Variants in NOXRED1 observed in about 807,000 individuals in gnomAD.
NOXRED1 encodes the protein NADP-dependent oxidoreductase domain-containing protein 1.
Under a neutral mutation model 30.4 loss-of-function variants are expected in NOXRED1, and 20 were observed. That is an observed-to-expected ratio of 0.66 (90% CI 0.46 to 0.96). The LOEUF is 0.96. Among genes scored for constraint, NOXRED1 ranks in the 40% least tolerant of loss-of-function variants. NOXRED1 has a pLI of 0.00. For synonymous variants in NOXRED1, 155 were observed against 168.0 expected (o/e 0.92, Z 0.60); for missense variants, 374 against 428.0 (o/e 0.87, Z 1.11).
Position 77,406,110 on chromosome 14 carries a change from C to T in NOXRED1, c.708G>A (p.Trp236Ter), listed in dbSNP as rs1894451497. 6.2e-7 allele frequency: 1 copy of T among 1,613,230 alleles called. No homozygotes were observed. Among genetic ancestry groups the T allele is most frequent in the Non-Finnish European group, 8.5e-7 (1 of 1,179,346 alleles). Residue 236 changes from tryptophan to a stop codon, truncating the protein, a stop_gained, in exon 5 of 6, where the codon TGG (tryptophan) becomes TGA (stop). Transcript: ENST00000380835. LOFTEE classifies it high-confidence loss of function. Reference protein sequence around the residue: ...PAGGIILNIKWLEGVFYAALN... With the variant: ...PAGGIILNIK ...GGGCCGCATAGAACACTCCCTCCAACCACTTGATATTGAGGATTATTCCCC... is the reference window on the plus strand; with the variant it reads ...GGGCCGCATAGAACACTCCCTCCAATCACTTGATATTGAGGATTATTCCCC...
At position 77,408,822 on chromosome 14, in the gene NOXRED1, A is replaced by AT. The variant is rs1243981345; in HGVS notation, c.350-1178dup. Among the ~76,000 whole-genome samples the AT allele has an allele frequency of 9.9e-5, 15 of 150,976 alleles. No homozygotes were observed. In the Admixed American group the frequency reaches 9.9e-4, roughly 10 times the overall value. On this transcript the variant is annotated intron_variant, in intron 2 of 5. Transcript: ENST00000380835. ...TGTAAAGTATATACAAATTAATTTTATTAGGATATCTATAAATGAAGAAAG... is the reference window on the plus strand; with the variant it reads ...TGTAAAGTATATACAAATTAATTTTATTTAGGATATCTATAAATGAAGAAAG...
chr14:77,415,714 CTT>C (rs560912575), intron 1 of NOXRED1, among the ~76,000 whole-genome samples: 1 of 136,430 alleles, frequency 7.3e-6, no homozygotes, highest in Non-Finnish European at 1.6e-5. Flanking sequence ...ACTCTATATG[CTT>C]TTTTTTTTTT....
At chr14:77,397,507 T>C (rs1033485378) in intron 5 of NOXRED1, among the ~76,000 whole-genome samples, 9 of 152,174 alleles carry the variant, frequency 5.9e-5, no homozygotes, top group Non-Finnish European at 1.2e-4. Context: ...TTTCCATTGA[T>C]GGAAAATGGG....
rs57049515 is a variant in NOXRED1, at chr14:77,406,632, CACAG to C, written c.682+88_682+91del. On this transcript the variant is annotated intron_variant, in intron 4 of 5. Coordinates refer to ENST00000380835, the MANE Select transcript of NOXRED1 (RefSeq NM_001113475.3). ...ACACACACACACACACACACACACA[CACAG>C]AGAGAGAGAGATTGATTTAATAAGA... 1,626 of 421,144 alleles carry C rather than the reference CACAG, an allele frequency of 3.9e-3. 18 individuals carry two copies. The African/African-American group carries it at 0.067, about 17-fold the overall frequency. The allele number at this position is 421,144 out of a possible 1,614,324, so 26.1% of individuals were successfully genotyped here. A position where few individuals can be genotyped will look rare whatever the true frequency, so the allele number is the denominator to read the frequency against.
At chr14:77,403,587 T>C (rs547485068) in intron 5 of NOXRED1, among the ~76,000 whole-genome samples, 3 of 151,862 alleles carry the variant, frequency 2.0e-5, no homozygotes, top group South Asian at 2.1e-4. Context: ...GCCCAGGAGG[T>C]GGAGGTTGCA....
chr14:77,422,997 A>T lies in NOXRED1; in HGVS notation c.-108T>A. The T allele has an allele frequency of 1.1e-6, 1 of 872,704 alleles. No individual in the cohort carries two copies. The highest frequency in any genetic ancestry group is 1.8e-6 in the Non-Finnish European group (1 of 552,946). 54.1% of individuals were successfully genotyped at this position (872,704 alleles called of 1,614,324 possible). Reference sequence around the variant, plus strand: ...TGTGTGTATGATGGTGTGTGTGCCCAGGTCACAAGCACTCATGATGATGGG... The same window carrying T: ...TGTGTGTATGATGGTGTGTGTGCCCTGGTCACAAGCACTCATGATGATGGG... On this transcript the variant is annotated 5_prime_UTR_variant, in exon 1 of 6. Transcript: ENST00000380835.
At chr14:77,406,442 GA>G (rs1428932996) in intron 4 of NOXRED1, 1 of 595,334 alleles carries the variant, frequency 1.7e-6, no homozygotes, top group Non-Finnish European at 3.0e-6. Flanking sequence ...TACAAGATTA[GA>G]ACAGGGAAAA....
chr14:77,408,403 C>T (rs562572930), intron 2 of NOXRED1, among the ~76,000 whole-genome samples: 17 of 152,042 alleles, frequency 1.1e-4, no homozygotes, highest in Non-Finnish European at 5.9e-5. Context: ...ACTATGTTGC[C>T]TAGGTTGGCC....
intron 5 of NOXRED1, among the ~76,000 whole-genome samples, chr14:77,403,657 C>CA (rs1485378142): frequency 6.6e-6 from 1 of 151,654 alleles, no homozygotes; most frequent in Non-Finnish European, 1.5e-5. Flanking sequence ...GACCCTCTAT[C>CA]AAAAAAATAA....
At chr14:77,407,751 C>T in intron 2 of NOXRED1, 106 bp from the exon 3 acceptor site, 1 of 733,046 alleles carries the variant, frequency 1.4e-6, no homozygotes. Flanking sequence ...TAAATCAACC[C>T]ATCTTATTGC....
At chr14:77,396,139 C>T (rs1009579352) in intron 5 of NOXRED1, among the ~76,000 whole-genome samples, 1 of 149,864 alleles carries the variant, frequency 6.7e-6, no homozygotes, top group Non-Finnish European at 1.5e-5. Flanking sequence ...CTAGGCAATG[C>T]AATAAGGCAA....
At chr14:77,410,897 C>A (rs1288321119) in intron 2 of NOXRED1, among the ~76,000 whole-genome samples, 2 of 151,942 alleles carry the variant, frequency 1.3e-5, no homozygotes, top group African/African-American at 4.8e-5. Flanking sequence ...ACCTGAAAAC[C>A]TTTTGGGAGG....
chr14:77,394,865 T>C, intron 5 of NOXRED1, 60 bp from the exon 6 acceptor site: 1 of 1,233,142 alleles, frequency 8.1e-7, no homozygotes, highest in South Asian at 1.4e-5. Flanking sequence ...GATTTGGCTG[T>C]TAAACACATC....
Position 77,422,794 on chromosome 14 carries a change from T to TC in NOXRED1, c.95dup (p.Leu33ThrfsTer18), listed in dbSNP as rs1212997254. ...CATGGGCACAAGCCTCGATCATCAGTCCCCGAGAACGGCCCTGCAAATACA... is the reference window on the plus strand; with the variant it reads ...CATGGGCACAAGCCTCGATCATCAGTCCCCCGAGAACGGCCCTGCAAATACA... On this transcript the variant is annotated frameshift_variant, in exon 1 of 6. Coordinates refer to ENST00000380835, the MANE Select transcript of NOXRED1 (RefSeq NM_001113475.3). LOFTEE classifies it high-confidence loss of function. The TC allele has an allele frequency of 6.2e-7, 1 of 1,614,044 alleles. No homozygotes were observed. Among genetic ancestry groups the TC allele is most frequent in the South Asian group, 1.1e-5 (1 of 91,074 alleles).
chr14:77,406,642 G>A (rs113953141), intron 4 of NOXRED1, 82 bp downstream of exon 4: 6 of 1,180,320 alleles, frequency 5.1e-6, no homozygotes, highest in Admixed American at 1.7e-5. Flanking sequence ...CACAGAGAGA[G>A]AGAGATTGAT....
chr14:77,419,180 C>A (rs944108106), intron 1 of NOXRED1, among the ~76,000 whole-genome samples: 4 of 151,078 alleles, frequency 2.6e-5, no homozygotes, highest in Admixed American at 2.0e-4. Context: ...TCAAGCAATT[C>A]TCCTGCCTCA....
At position 77,423,385 on chromosome 14, in the gene NOXRED1, T is replaced by C. The variant is rs1895053601; in HGVS notation, c.-496A>G. 6.5e-6 allele frequency: 1 copy of C among 153,882 alleles called. No individual in the cohort carries two copies. Among genetic ancestry groups the C allele is most frequent in the Admixed American group, 6.4e-5 (1 of 15,578 alleles). The allele number at this position is 153,882 out of a possible 1,614,324, so 9.5% of individuals were successfully genotyped here. A position where few individuals can be genotyped will look rare whatever the true frequency, so the allele number is the denominator to read the frequency against. On this transcript the variant is annotated 5_prime_UTR_variant, in exon 1 of 6. Transcript: ENST00000380835. Reference sequence around the variant, plus strand: ...GGTACAAAATAACCCAAACTAAATATCATTGTCCCCTGTCTAGGGCAGGGA... The same window carrying C: ...GGTACAAAATAACCCAAACTAAATACCATTGTCCCCTGTCTAGGGCAGGGA...
At chr14:77,416,771 A>G (rs1894836342) in intron 1 of NOXRED1, among the ~76,000 whole-genome samples, 1 of 152,016 alleles carries the variant, frequency 6.6e-6, no homozygotes. Context: ...ACTTCCCAGT[A>G]GGGGCGGCCG....
At chr14:77,418,625 G>A (rs1417383908) in intron 1 of NOXRED1, among the ~76,000 whole-genome samples, 2 of 151,888 alleles carry the variant, frequency 1.3e-5, no homozygotes, top group Non-Finnish European at 2.9e-5. Context: ...TACTTTCCAG[G>A]CTCAAGCAAT....
Sources: gnomAD v4.1 joint callset for allele counts (sites outside exome capture counted in the v4.1 genomes callset) on GRCh38, gnomAD v4.1.1 for gene constraint, MANE v1.5 for transcripts, NCBI Gene and HGNC (gene_info 2026-07-23, HGNC 2026-07-21) for gene names.